The following LRRFIP2 variants were observed in gnomAD, a reference collection of about 807,000 sequenced individuals.
The protein encoded by LRRFIP2 is leucine-rich repeat flightless-interacting protein 2.
In LRRFIP2, 109 loss-of-function variants were observed where a neutral mutation model predicts 125.9. That is an observed-to-expected ratio of 0.87 (90% CI 0.74 to 1.01). LRRFIP2 has a LOEUF of 1.01. Ranked by LOEUF, LRRFIP2 falls within the 50% of genes least tolerant of loss-of-function variation. The probability of loss-of-function intolerance (pLI) is 0.00; values close to 1 mark genes in which losing one functional copy is unlikely to be tolerated. For missense variants in LRRFIP2, 850 were observed against 862.3 expected (o/e 0.99, Z 0.18); for synonymous variants, 291 against 293.1 (o/e 0.99, Z 0.07).
chr3:37,101,601 G>T (rs1218759496), intron 15 of LRRFIP2, among the ~76,000 whole-genome samples: 1 of 149,448 alleles, frequency 6.7e-6, no homozygotes, highest in Non-Finnish European at 1.5e-5. Flanking sequence ...GGAGGTTGAA[G>T]TTGCAGTGAG....
intron 16 of LRRFIP2, 104 bp downstream of exon 16, chr3:37,096,512 G>C (rs2093726907): frequency 2.8e-6 from 2 of 712,494 alleles, no homozygotes; most frequent in Non-Finnish European, 4.8e-6. Context: ...AAGGGAGGAA[G>C]AGCAGCTACA....
chr3:37,167,452 G>A (rs897557477), intron 1 of LRRFIP2, among the ~76,000 whole-genome samples: 9 of 147,614 alleles, frequency 6.1e-5, no homozygotes, highest in Admixed American at 2.0e-4. Flanking sequence ...TCAGGAGTTC[G>A]AGACCAGCCT....
intron 6 of LRRFIP2, among the ~76,000 whole-genome samples, chr3:37,118,744 C>G (rs2094899844): frequency 1.3e-5 from 2 of 152,136 alleles, no homozygotes; most frequent in Admixed American, 1.3e-4. Context: ...TAAATATATC[C>G]ACCTCACATT....
intron 1 of LRRFIP2, among the ~76,000 whole-genome samples, chr3:37,152,464 C>T (rs1196277691): frequency 1.3e-5 from 2 of 151,582 alleles, no homozygotes; most frequent in East Asian, 1.9e-4. Context: ...TTTTTTGAGA[C>T]GGAGTCTCGC....
upstream of LRRFIP2, chr3:37,176,135 C>G (rs571719096): frequency 6.6e-6 from 1 of 152,454 alleles, no homozygotes; most frequent in Non-Finnish European, 1.5e-5. Flanking sequence ...CCGGCGCCCG[C>G]TGGGGCTATG....
At chr3:37,093,603 G>C (rs2093580550) in intron 17 of LRRFIP2, among the ~76,000 whole-genome samples, 1 of 152,102 alleles carries the variant, frequency 6.6e-6, no homozygotes, top group South Asian at 2.1e-4. Flanking sequence ...TTGAACCACA[G>C]GGTTACTGAA....
chr3:37,111,213 T>C (rs963222673), intron 8 of LRRFIP2, 148 bp from the exon 9 acceptor site: 3 of 574,918 alleles, frequency 5.2e-6, no homozygotes, highest in Non-Finnish European at 9.2e-6. Context: ...TCATATCACA[T>C]TAAGTCAAAG....
intron 1 of LRRFIP2, among the ~76,000 whole-genome samples, chr3:37,163,388 G>A (rs183400748): frequency 2.6e-5 from 4 of 152,258 alleles, no homozygotes; most frequent in East Asian, 3.9e-4. Context: ...AGTGGAATGC[G>A]GACAAAACTG....
chr3:37,081,196 C>T (rs577557196), intron 19 of LRRFIP2, among the ~76,000 whole-genome samples: 1 of 152,120 alleles, frequency 6.6e-6, no homozygotes, highest in Admixed American at 6.5e-5. Flanking sequence ...GGGCTATGAT[C>T]GTGCCACTGC....
Position 37,105,504 on chromosome 3 carries a change from G to A in LRRFIP2, c.734C>T (p.Ala245Val), listed in dbSNP as rs751691595. 1 of 1,613,512 alleles carries A rather than the reference G, an allele frequency of 6.2e-7. No individual in the cohort carries two copies. The highest frequency in any genetic ancestry group is 8.5e-7 in the Non-Finnish European group (1 of 1,179,594). Residue 245 changes from alanine to valine, a missense_variant, in exon 14 of 28, where the codon GCA (alanine) becomes GTA (valine). Coordinates refer to ENST00000336686, the MANE Select transcript of LRRFIP2 (RefSeq NM_006309.4). ...GGCACGATCAGAAGACACAATGCTTGCAGTGTCATCGTTGGTAAACTATAG... is the reference window on the plus strand; with the variant it reads ...GGCACGATCAGAAGACACAATGCTTACAGTGTCATCGTTGGTAAACTATAG... The part of the protein sequence containing the change: ...SSPGFTNDDT[A>V]SIVSSDRASR...
Position 37,083,813 on chromosome 3 carries a change from G to T in LRRFIP2, c.1108-7C>A. On this transcript the variant is annotated splice_polypyrimidine_tract_variant and splice_region_variant and intron_variant, in intron 18 of 27. Coordinates refer to ENST00000336686, the MANE Select transcript of LRRFIP2 (RefSeq NM_006309.4). ...CCACTTCAGACAAAGATTCCTAAATGAGAGTTAAGTCATCAGTCTGATATC... is the reference window on the plus strand; with the variant it reads ...CCACTTCAGACAAAGATTCCTAAATTAGAGTTAAGTCATCAGTCTGATATC... 2 of 1,583,300 alleles carry T rather than the reference G, an allele frequency of 1.3e-6. No individual in the cohort carries two copies. Among genetic ancestry groups the T allele is most frequent in the South Asian group, 2.4e-5 (2 of 84,422 alleles).
chr3:37,128,612 C>T (rs1390032567), intron 3 of LRRFIP2, among the ~76,000 whole-genome samples: 1 of 151,998 alleles, frequency 6.6e-6, no homozygotes, highest in Non-Finnish European at 1.5e-5. Flanking sequence ...AATTGGGGTC[C>T]TACAAATTTT....
intron 2 of LRRFIP2, among the ~76,000 whole-genome samples, chr3:37,148,122 C>T (rs2095906128): frequency 6.6e-6 from 1 of 152,148 alleles, no homozygotes; most frequent in South Asian, 2.1e-4. Context: ...ATATAGTCAT[C>T]ATATCTTCAA....
At chr3:37,069,025 G>C (rs141341129) in intron 21 of LRRFIP2, among the ~76,000 whole-genome samples, 130 of 152,258 alleles carry the variant, frequency 8.5e-4, no homozygotes, top group African/African-American at 3.0e-3. Context: ...AGTAGTTACT[G>C]ACCATACTGA....
At position 37,053,080 on chromosome 3, in the gene LRRFIP2, C is replaced by G. The variant is rs151247849; in HGVS notation, c.*771G>C. ...TCTGCCTGCCCTGCCCTACCCTCCC[C>G]CTTTGGGTTTGTTTGAGGTTTCATT... is the stretch of plus-strand genomic sequence containing the variant. On this transcript the variant is annotated 3_prime_UTR_variant, in exon 28 of 28. Coordinates refer to ENST00000336686, the MANE Select transcript of LRRFIP2 (RefSeq NM_006309.4). 5.9e-5 allele frequency: 9 copies of G among 152,662 alleles called. No individual in the cohort carries two copies. The highest frequency in any genetic ancestry group is 2.1e-4 in the South Asian group (1 of 4,808). 9.5% of individuals were successfully genotyped at this position (152,662 alleles called of 1,614,324 possible).
At chr3:37,088,775 T>G (rs1368446075) in intron 18 of LRRFIP2, among the ~76,000 whole-genome samples, 3 of 151,902 alleles carry the variant, frequency 2.0e-5, no homozygotes, top group Non-Finnish European at 4.4e-5. Flanking sequence ...CCAGCTTGAG[T>G]GACAGAGCAA....
At chr3:37,150,858 T>C (rs758649295) in intron 1 of LRRFIP2, among the ~76,000 whole-genome samples, 1 of 152,232 alleles carries the variant, frequency 6.6e-6, no homozygotes, top group Non-Finnish European at 1.5e-5. Context: ...GGAATTTAGT[T>C]GATTCCGGCT....
intron 6 of LRRFIP2, among the ~76,000 whole-genome samples, chr3:37,115,877 G>A (rs956662544): frequency 1.3e-5 from 2 of 152,100 alleles, no homozygotes; most frequent in African/African-American, 4.8e-5. Context: ...TTCACACATC[G>A]TTTCTTAAGC....
At chr3:37,165,805 G>GAAAAA (rs71091698) in intron 1 of LRRFIP2, among the ~76,000 whole-genome samples, 1 of 106,398 alleles carries the variant, frequency 9.4e-6, no homozygotes, top group Non-Finnish European at 2.0e-5. Context: ...GAGAAAGAAA[G>GAAAAA]AAAGAAAGAA....
Sources: allele counts gnomAD v4.1 joint callset (sites outside exome capture counted in the v4.1 genomes callset), GRCh38; gene constraint gnomAD v4.1.1; transcripts MANE v1.5; gene names NCBI Gene and HGNC (gene_info 2026-07-23, HGNC 2026-07-21).